Variants in KDM4D observed in about 807,000 individuals in gnomAD.
The protein encoded by KDM4D is lysine-specific demethylase 4D.
For missense variants in KDM4D, 427 were observed against 674.8 expected (o/e 0.63, Z 4.07); for synonymous variants, 254 against 249.1 (o/e 1.02, Z -0.19).
At position 94,998,370 on chromosome 11, in the gene KDM4D, A is replaced by G; in HGVS notation, c.998A>G (p.Tyr333Cys). 2 of 1,614,172 alleles carry G rather than the reference A, an allele frequency of 1.2e-6. No individual in the cohort carries two copies. Among genetic ancestry groups the G allele is most frequent in the Non-Finnish European group, 1.7e-6 (2 of 1,180,040 alleles). Reference protein sequence around the residue: ...AFVRILQPERYDLWKRGQDRA... With the variant: ...AFVRILQPERCDLWKRGQDRA... ...GTGCGCATCCTGCAACCTGAACGCT[A>G]TGACCTGTGGAAACGTGGGCAAGAC... The change falls in exon 3 of 3, where the codon TAT becomes TGT. Residue 333 changes from tyrosine (Y) to cysteine (C), a missense_variant. Transcript: ENST00000335080. This position sits in a 1 kb window ranked among gnomAD's most constrained non-coding sequence, Gnocchi z 6.7.
At chr11:94,976,520 C>T (rs1857798555) in intron 2 of KDM4D, among the ~76,000 whole-genome samples, 1 of 152,126 alleles carries the variant, frequency 6.6e-6, no homozygotes, top group African/African-American at 2.4e-5. Context: ...GCTCTGGGTC[C>T]TAATTCCTCC....
At chr11:94,988,811 T>C (rs1369207405) in intron 2 of KDM4D, among the ~76,000 whole-genome samples, 2 of 152,144 alleles carry the variant, frequency 1.3e-5, no homozygotes, top group African/African-American at 4.8e-5. Flanking sequence ...AGATATGCTT[T>C]ACCAACACAA....
At chr11:94,990,194 A>G (rs905599292) in intron 2 of KDM4D, among the ~76,000 whole-genome samples, 6 of 152,346 alleles carry the variant, frequency 3.9e-5, no homozygotes, top group South Asian at 2.1e-4. Flanking sequence ...AGTGCCCATT[A>G]GAGATGAAAG....
intron 2 of KDM4D, among the ~76,000 whole-genome samples, chr11:94,981,703 A>G (rs1048389681): frequency 1.2e-4 from 18 of 151,784 alleles, no homozygotes; most frequent in African/African-American, 3.6e-4. Flanking sequence ...CTTTGTTGAT[A>G]TTGGTTATTT....
chr11:94,998,818 A>G lies in KDM4D; in HGVS notation c.1446A>G (p.Thr482=). The change falls in exon 3 of 3, where the codon ACA becomes ACG. Residue 482 remains threonine (T), a synonymous_variant. Transcript: ENST00000335080. The surrounding 1 kb of genome is among the most constrained non-coding windows in gnomAD (Gnocchi z 6.7). ...KRPLLAGTTC[T]ASGPEPEPLP... Reference sequence around the variant, plus strand: ...CCCTCTTGGCGGGCACAACATGCACAGCTTCGGGCCCAGAACCTGAGCCCC... The same window carrying G: ...CCCTCTTGGCGGGCACAACATGCACGGCTTCGGGCCCAGAACCTGAGCCCC... 1 of 1,597,406 alleles carries G rather than the reference A, an allele frequency of 6.3e-7. No individual in the cohort carries two copies.
chr11:94,986,664 GACAATA>G (rs1256572649), intron 2 of KDM4D, among the ~76,000 whole-genome samples: 1 of 152,086 alleles, frequency 6.6e-6, no homozygotes, highest in Non-Finnish European at 1.5e-5. Flanking sequence ...TAATGAAAAA[GACAATA>G]ACAAGTATTG....
chr11:94,993,725 G>A (rs1431696842), intron 2 of KDM4D, among the ~76,000 whole-genome samples: 1 of 151,942 alleles, frequency 6.6e-6, no homozygotes, highest in African/African-American at 2.4e-5. Flanking sequence ...AAAATATATA[G>A]GTTTGTGTGA....
At chr11:94,994,024 G>T (rs987641808) in intron 2 of KDM4D, among the ~76,000 whole-genome samples, 1 of 152,042 alleles carries the variant, frequency 6.6e-6, no homozygotes, top group Non-Finnish European at 1.5e-5. Context: ...TCAGTGTCTC[G>T]CTTGAGTAGT....
At chr11:94,991,553 C>T (rs1178495383) in intron 2 of KDM4D, among the ~76,000 whole-genome samples, 8 of 151,778 alleles carry the variant, frequency 5.3e-5, no homozygotes, top group Non-Finnish European at 1.2e-4. Context: ...CAGGAACTCT[C>T]AGGTAACAGA....
intron 2 of KDM4D, among the ~76,000 whole-genome samples, chr11:94,976,311 A>G (rs782147645): frequency 3.3e-5 from 5 of 152,156 alleles, no homozygotes; most frequent in Admixed American, 6.5e-5. Context: ...TCAAGTCTAC[A>G]TGCCTCTTTC....
intron 2 of KDM4D, among the ~76,000 whole-genome samples, chr11:94,982,536 C>A: frequency 1.0e-5 from 1 of 95,546 alleles, no homozygotes. Context: ...TAAGACTTCC[C>A]TATTTCTAAA....
At chr11:94,985,298 G>T (rs782141047) in intron 2 of KDM4D, among the ~76,000 whole-genome samples, 11 of 152,164 alleles carry the variant, frequency 7.2e-5, no homozygotes, top group Admixed American at 1.3e-4. Flanking sequence ...ATTGATTTCT[G>T]TGCATTAGTA....
chr11:94,995,756 C>T (rs782810420), intron 2 of KDM4D, among the ~76,000 whole-genome samples: 2 of 152,152 alleles, frequency 1.3e-5, no homozygotes, highest in African/African-American at 2.4e-5. Flanking sequence ...ATCTAGCCCA[C>T]GAACCTCCCT....
chr11:94,996,829 T>C (rs1037235916), intron 2 of KDM4D, among the ~76,000 whole-genome samples, 195 bp from the exon 3 acceptor site: 2 of 152,240 alleles, frequency 1.3e-5, no homozygotes, highest in Admixed American at 6.5e-5. Flanking sequence ...AAAGTGATTA[T>C]AGTGCTTCAT....
At chr11:94,974,875 ACAGT>A (rs1158852465) in intron 1 of KDM4D, among the ~76,000 whole-genome samples, 2 of 152,142 alleles carry the variant, frequency 1.3e-5, no homozygotes, top group African/African-American at 4.8e-5. Flanking sequence ...CTTTTATCCT[ACAGT>A]CAGTGTTGCA....
chr11:94,984,872 A>G (rs1326148414), intron 2 of KDM4D, among the ~76,000 whole-genome samples: 1 of 152,012 alleles, frequency 6.6e-6, no homozygotes, highest in African/African-American at 2.4e-5. Flanking sequence ...GTCTCAAAAA[A>G]AAAATAGCAG....
At chr11:94,977,546 G>A (rs1250818957) in intron 2 of KDM4D, among the ~76,000 whole-genome samples, 1 of 152,042 alleles carries the variant, frequency 6.6e-6, no homozygotes, top group Non-Finnish European at 1.5e-5. Context: ...TTGTTCAAAT[G>A]GAGTCCAACG....
At position 94,998,729 on chromosome 11, in the gene KDM4D, C is replaced by T. The variant is rs1173079299; in HGVS notation, c.1357C>T (p.Arg453Cys). The T allele has an allele frequency of 6.2e-7, 1 of 1,614,016 alleles. No individual in the cohort carries two copies. Residue 453 changes from arginine to cysteine, a missense_variant, in exon 3 of 3, where the codon CGT (arginine) becomes TGT (cysteine). Arg to Cys is a radical substitution (Grantham distance 180). Transcript: ENST00000335080. The surrounding 1 kb of genome is among the most constrained non-coding windows in gnomAD (Gnocchi z 6.7). ...CCACCCGTCAAATGGCAGACGTGGT[C>T]GTGGTCGCCCTCCTCAGAAACTGAG... Reference protein sequence around the residue: ...IIHPSNGRRGRGRPPQKLRAQ... With the variant: ...IIHPSNGRRGCGRPPQKLRAQ...
chr11:94,978,462 G>C (rs1404657817), intron 2 of KDM4D, among the ~76,000 whole-genome samples: 1 of 152,124 alleles, frequency 6.6e-6, no homozygotes, highest in African/African-American at 2.4e-5. Context: ...AAAATAAAGT[G>C]TCTAGCCCTC....
Sources: gnomAD v4.1 joint callset for allele counts (sites outside exome capture counted in the v4.1 genomes callset) on GRCh38, gnomAD v4.1.1 for gene constraint, Gnocchi (gnomAD v3.1) non-coding constraint, MANE v1.5 for transcripts, NCBI Gene and HGNC (gene_info 2026-07-23, HGNC 2026-07-21) for gene names.